Variants in HECW1 observed in about 807,000 individuals in gnomAD.
HECW1 encodes the protein E3 ubiquitin-protein ligase HECW1.
In HECW1, 61 loss-of-function variants were observed where a neutral mutation model predicts 182.3. That is an observed-to-expected ratio of 0.33 (90% confidence interval 0.27 to 0.41). HECW1 has a LOEUF of 0.41. Among genes scored for constraint, HECW1 ranks in the 10% least tolerant of loss-of-function variants. HECW1 has a pLI of 1.00. For missense variants in HECW1, 1,739 were observed against 2,108.9 expected, an observed-to-expected ratio of 0.82 and a Z score of 3.44; for synonymous variants, 859 against 832.6, an observed-to-expected ratio of 1.03 and a Z score of -0.55.
intron 6 of HECW1, among the ~76,000 whole-genome samples, chr7:43,365,867 G>A (rs1482076629): frequency 6.6e-6 from 1 of 152,196 alleles, no homozygotes; most frequent in African/African-American, 2.4e-5. Context: ...GCCAAGGTGA[G>A]TGTATCACAT....
intron 19 of HECW1, among the ~76,000 whole-genome samples, chr7:43,497,614 G>T (rs1221264558): frequency 6.6e-6 from 1 of 152,188 alleles, no homozygotes; most frequent in Non-Finnish European, 1.5e-5. Context: ...CAGGGGCTAT[G>T]CAGGAGACTA....
chr7:43,226,936 A>G (rs1797486145), intron 2 of HECW1, among the ~76,000 whole-genome samples: 1 of 152,206 alleles, frequency 6.6e-6, no homozygotes, highest in South Asian at 2.1e-4. Context: ...TCTACGCACT[A>G]CATTTTCACG....
chr7:43,383,440 ATC>A (rs1277907095), intron 6 of HECW1, among the ~76,000 whole-genome samples: 1 of 152,230 alleles, frequency 6.6e-6, no homozygotes, highest in Non-Finnish European at 1.5e-5. Flanking sequence ...CCTCGCCAGC[ATC>A]TGTTGTTTCC....
chr7:43,250,363 C>T (rs903016113), intron 3 of HECW1, among the ~76,000 whole-genome samples: 4 of 152,248 alleles, frequency 2.6e-5, no homozygotes, highest in Admixed American at 2.6e-4. Flanking sequence ...CATTCCTTTT[C>T]AACTGGGCCA....
At chr7:43,207,247 A>G (rs1377544985) in intron 2 of HECW1, among the ~76,000 whole-genome samples, 2 of 152,094 alleles carry the variant, frequency 1.3e-5, no homozygotes, top group East Asian at 3.9e-4. Context: ...GGGTTTCACC[A>G]TGTTGGCCAG....
chr7:43,402,818 C>T (rs2075473347), intron 7 of HECW1, among the ~76,000 whole-genome samples: 2 of 152,158 alleles, frequency 1.3e-5, no homozygotes, highest in South Asian at 4.1e-4. Context: ...ATTTATACTT[C>T]CTGTTTTTAC....
intron 2 of HECW1, among the ~76,000 whole-genome samples, chr7:43,189,004 TGC>T (rs1793656210): frequency 6.6e-6 from 1 of 152,212 alleles, no homozygotes; most frequent in Non-Finnish European, 1.5e-5. Flanking sequence ...TCCTGAGTGA[TGC>T]CCACAGGGTG....
intron 2 of HECW1, among the ~76,000 whole-genome samples, chr7:43,213,992 T>C (rs893232260): frequency 1.3e-5 from 2 of 152,092 alleles, no homozygotes; most frequent in African/African-American, 4.8e-5. Flanking sequence ...ATTTATTATA[T>C]AAGACCTTTA....
intron 2 of HECW1, among the ~76,000 whole-genome samples, chr7:43,223,187 T>C (rs1797134103): frequency 6.6e-6 from 1 of 152,194 alleles, no homozygotes; most frequent in South Asian, 2.1e-4. Context: ...TCAAGATATA[T>C]CTAGAATCCA....
At chr7:43,474,228 T>G (rs2152903120) in intron 16 of HECW1, among the ~76,000 whole-genome samples, 1 of 152,264 alleles carries the variant, frequency 6.6e-6, no homozygotes, top group South Asian at 2.1e-4. Context: ...GGCGGGTGGA[T>G]CACGAGGTCA....
In HECW1 at chr7:43,366,742, C is replaced by T. The variant is rs2152816685; in HGVS notation, c.555+5762C>T. On this transcript the variant is annotated intron_variant, in intron 6 of 29. Coordinates refer to ENST00000395891, the MANE Select transcript of HECW1 (RefSeq NM_015052.5). ...GTCCCCAAAGTTGCCAAAGGATCCC[C>T]TTCATCCAGTGTGTCCAGATGAAGT... Among the ~76,000 whole-genome samples, 2 of 152,282 alleles carry T rather than the reference C, an allele frequency of 1.3e-5. 1 individual carries two copies. The highest frequency in any genetic ancestry group is 3.9e-4 in the East Asian group (2 of 5,190).
At chr7:43,516,948 T>C (rs2080180441) in intron 24 of HECW1, among the ~76,000 whole-genome samples, 1 of 152,204 alleles carries the variant, frequency 6.6e-6, no homozygotes, top group Non-Finnish European at 1.5e-5. Flanking sequence ...AAAATTATTG[T>C]ATAGAAGATA....
At chr7:43,540,232 T>TGGAAATTCCACCAGGGAGGATCTGA (rs2081316405) in intron 24 of HECW1, among the ~76,000 whole-genome samples, 1 of 152,174 alleles carries the variant, frequency 6.6e-6, no homozygotes, top group South Asian at 2.1e-4. Flanking sequence ...ATAGATTAGT[T>TGGAAATTCCACCAGGGAGGATCTGA]GGAAATTCCA....
At chr7:43,499,396 G>A (rs577768016) in intron 19 of HECW1, among the ~76,000 whole-genome samples, 1 of 152,144 alleles carries the variant, frequency 6.6e-6, no homozygotes, top group African/African-American at 2.4e-5. Context: ...TTGAACGCAG[G>A]AGGCAGAGGT....
chr7:43,371,657 A>G (rs1254545573), intron 6 of HECW1, among the ~76,000 whole-genome samples: 1 of 152,142 alleles, frequency 6.6e-6, no homozygotes, highest in Non-Finnish European at 1.5e-5. Context: ...GCTATTTGGG[A>G]TATATAGACA....
rs369966557 is a variant in HECW1, at chr7:43,227,462, A to G, written c.-31-16413A>G. Among the ~76,000 whole-genome samples the G allele has an allele frequency of 3.3e-5, 5 of 152,322 alleles. No homozygotes were observed. In the South Asian group the frequency reaches 8.3e-4, roughly 25 times the overall value. On this transcript the variant is annotated intron_variant, in intron 2 of 29. Transcript: ENST00000395891. ...TAAACTATCCATACTTTAATCACTA[A>G]GTGCAGAAAGTATGTAATAAAAGTA...
At chr7:43,412,954 T>C (rs1300456790) in intron 8 of HECW1, among the ~76,000 whole-genome samples, 3 of 148,600 alleles carry the variant, frequency 2.0e-5, no homozygotes, top group African/African-American at 7.5e-5. Flanking sequence ...TTTATACTCA[T>C]TTGGGTATAT....
At chr7:43,262,702 A>G (rs1371476851) in intron 3 of HECW1, among the ~76,000 whole-genome samples, 1 of 152,208 alleles carries the variant, frequency 6.6e-6, no homozygotes, top group Non-Finnish European at 1.5e-5. Flanking sequence ...TAATAACTTT[A>G]CCATTTAAAA....
intron 2 of HECW1, among the ~76,000 whole-genome samples, chr7:43,234,984 T>C (rs1043435881): frequency 1.3e-5 from 2 of 152,176 alleles, no homozygotes; most frequent in Non-Finnish European, 2.9e-5. Context: ...CTCCTCCCTA[T>C]CTCATTGCCT....
Sources: allele counts gnomAD v4.1 joint callset (sites outside exome capture counted in the v4.1 genomes callset), GRCh38; gene constraint gnomAD v4.1.1; transcripts MANE v1.5; gene names NCBI Gene and HGNC (gene_info 2026-07-23, HGNC 2026-07-21).